The following AKR1C3 variants were observed in gnomAD, a reference collection of about 807,000 sequenced individuals.
AKR1C3 encodes 3-alpha hydroxysteroid dehydrogenase, type II.
Under a neutral mutation model 43.6 loss-of-function variants are expected in AKR1C3, and 48 were observed. The observed-to-expected ratio is 1.10, with a 90% confidence interval of 0.87 to 1.40. The LOEUF is 1.40. Ranked by LOEUF, AKR1C3 falls within the 40% of genes most tolerant of loss-of-function variation. AKR1C3 has a pLI of 0.00. For synonymous variants in AKR1C3, 162 were observed against 139.6 expected, an observed-to-expected ratio of 1.16 and a Z score of -1.13; for missense variants, 482 against 391.2, an observed-to-expected ratio of 1.23 and a Z score of -1.96.
chr10:5,107,632 C>T lies in AKR1C3; in HGVS notation c.*129C>T, dbSNP rs1352236688. ...CGTCCTGTTTAGCGACTTCAGTCAACTACAGCTGAGTCCATAGGCCAGAAA... is the reference window on the plus strand; with the variant it reads ...CGTCCTGTTTAGCGACTTCAGTCAATTACAGCTGAGTCCATAGGCCAGAAA... On this transcript the variant is annotated 3_prime_UTR_variant, in exon 9 of 9. Coordinates refer to ENST00000380554, the MANE Select transcript of AKR1C3 (RefSeq NM_003739.6). The T allele has an allele frequency of 1.5e-5, 10 of 669,166 alleles. No homozygotes were observed. The highest frequency in any genetic ancestry group is 3.1e-5 in the Admixed American group (1 of 32,680). The allele number at this position is 669,166 out of a possible 1,614,324, so 41.5% of individuals were successfully genotyped here.
intron 1 of AKR1C3, among the ~76,000 whole-genome samples, chr10:5,054,086 C>G (rs1838212239): frequency 6.6e-6 from 1 of 152,208 alleles, no homozygotes; most frequent in South Asian, 2.1e-4. Context: ...CGCCGGTTGG[C>G]ATCTTGTACT....
intron 1 of AKR1C3, among the ~76,000 whole-genome samples, chr10:5,074,768 T>C (rs1423879394): frequency 6.6e-6 from 1 of 152,212 alleles, no homozygotes; most frequent in African/African-American, 2.4e-5. Context: ...AGGAAATTCC[T>C]GGTGAGCTGT....
At chr10:5,095,005 G>A (rs559610946) in intron 1 of AKR1C3, among the ~76,000 whole-genome samples, 2 of 152,202 alleles carry the variant, frequency 1.3e-5, no homozygotes, top group South Asian at 2.1e-4. Context: ...GTGCCACCCA[G>A]TATTACCGGA....
chr10:5,064,397 C>T (rs1340116751), intron 1 of AKR1C3, among the ~76,000 whole-genome samples: 1 of 152,070 alleles, frequency 6.6e-6, no homozygotes, highest in Non-Finnish European at 1.5e-5. Flanking sequence ...TATATTAAAA[C>T]CTTAAGTTTT....
chr10:5,092,766 C>A (rs1471297827), upstream of AKR1C3, among the ~76,000 whole-genome samples: 1 of 151,954 alleles, frequency 6.6e-6, no homozygotes, highest in East Asian at 1.9e-4. Context: ...TGTTTTAAAA[C>A]CTTTCTCTAC....
At chr10:5,104,330 C>A (rs782706556) in intron 7 of AKR1C3, among the ~76,000 whole-genome samples, 1 of 152,214 alleles carries the variant, frequency 6.6e-6, no homozygotes, top group African/African-American at 2.4e-5. Context: ...AAATTGATAT[C>A]AAAAGGTGCC....
chr10:5,101,270 T>C (rs1427748918), intron 5 of AKR1C3, among the ~76,000 whole-genome samples: 1 of 152,222 alleles, frequency 6.6e-6, no homozygotes, highest in Admixed American at 6.5e-5. Context: ...ATGACAAATT[T>C]TCACATATGA....
chr10:5,105,579 T>TA lies in AKR1C3; in HGVS notation c.847-16_847-15insA. 1.2e-6 allele frequency: 2 copies of TA among 1,603,148 alleles called. No individual in the cohort carries two copies. Among genetic ancestry groups the TA allele is most frequent in the Non-Finnish European group, 1.7e-6 (2 of 1,171,940 alleles). On this transcript the variant is annotated splice_polypyrimidine_tract_variant and intron_variant, in intron 7 of 8. Coordinates refer to ENST00000380554, the MANE Select transcript of AKR1C3 (RefSeq NM_003739.6). ...CTGGCAATCTAAAAATAATAAAAGT[T>TA]TTTTATTTCTGATAGGTTTTTGAGT...
At chr10:5,083,332 G>T (rs1210105165) in intron 1 of AKR1C3, among the ~76,000 whole-genome samples, 6 of 151,990 alleles carry the variant, frequency 3.9e-5, no homozygotes, top group African/African-American at 9.7e-5. Flanking sequence ...GCGGTGTTTG[G>T]TTTTTTGTCC....
At chr10:5,101,441 G>A in intron 5 of AKR1C3, among the ~76,000 whole-genome samples, 1 of 146,774 alleles carries the variant, frequency 6.8e-6, no homozygotes, top group Admixed American at 6.9e-5. Flanking sequence ...AAATCAAAAT[G>A]AAGAACAAAT....
intron 1 of AKR1C3, among the ~76,000 whole-genome samples, chr10:5,049,374 G>A (rs531870434): frequency 6.6e-6 from 1 of 152,260 alleles, no homozygotes; most frequent in Admixed American, 6.5e-5. Flanking sequence ...GCGGCCTTGA[G>A]CACCACATGG....
At chr10:5,105,549 C>T (rs1554787018) in intron 7 of AKR1C3, 46 bp from the exon 8 acceptor site, 1 of 1,444,980 alleles carries the variant, frequency 6.9e-7, no homozygotes, top group Non-Finnish European at 9.6e-7. Context: ...CTTGGGGATT[C>T]ACAACTGGCA....
chr10:5,055,837 G>T (rs1037748837), intron 1 of AKR1C3, among the ~76,000 whole-genome samples: 4 of 152,304 alleles, frequency 2.6e-5, no homozygotes, highest in Middle Eastern at 3.4e-3. Flanking sequence ...GAAGGGCCTG[G>T]CTATCTTGCT....
In AKR1C3 at chr10:5,096,681, G is replaced by A. The variant is rs1262854004; in HGVS notation, c.252+104G>A. On this transcript the variant is annotated intron_variant, in intron 2 of 8. Coordinates refer to ENST00000380554, the MANE Select transcript of AKR1C3 (RefSeq NM_003739.6). ...GTAGTTGTGGGTGAATTTTGCTTCT[G>A]GGTTCAAATTTATTCACACATACTC... The A allele has an allele frequency of 1.1e-5, 16 of 1,465,992 alleles. No homozygotes were observed. The Admixed American group carries it at 1.2e-4, about 11-fold the overall frequency. The allele number at this position is 1,465,992 out of a possible 1,614,324, so 90.8% of individuals were successfully genotyped here.
At chr10:5,063,930 A>G (rs1383381610) in intron 1 of AKR1C3, among the ~76,000 whole-genome samples, 4 of 152,090 alleles carry the variant, frequency 2.6e-5, no homozygotes, top group South Asian at 2.1e-4. Context: ...AAATTCTCTC[A>G]ATGTCATTGC....
chr10:5,050,295 T>C (rs914452881), intron 1 of AKR1C3, among the ~76,000 whole-genome samples: 6 of 152,248 alleles, frequency 3.9e-5, no homozygotes, highest in Non-Finnish European at 8.8e-5. Context: ...GCACTTGGAT[T>C]TAATTTTCTG....
chr10:5,060,243 C>T (rs967515778), intron 1 of AKR1C3, among the ~76,000 whole-genome samples: 19 of 152,268 alleles, frequency 1.2e-4, no homozygotes, highest in South Asian at 2.1e-4. Context: ...GAAGGGGACC[C>T]GAACAGGTTG....
At chr10:5,052,592 G>T (rs1470895127) in intron 1 of AKR1C3, among the ~76,000 whole-genome samples, 1 of 150,680 alleles carries the variant, frequency 6.6e-6, no homozygotes, top group Non-Finnish European at 1.5e-5. Flanking sequence ...CTAGAGTGTC[G>T]ATTGGTACAT....
chr10:5,095,200 C>G (rs1554784947), intron 1 of AKR1C3, among the ~76,000 whole-genome samples: 1 of 151,928 alleles, frequency 6.6e-6, no homozygotes, highest in African/African-American at 2.4e-5. Flanking sequence ...CAAAAATGAA[C>G]AAAATGGAGA....
Sources: gnomAD v4.1 joint callset for allele counts (sites outside exome capture counted in the v4.1 genomes callset) on GRCh38, gnomAD v4.1.1 for gene constraint, MANE v1.5 for transcripts, NCBI Gene and HGNC (gene_info 2026-07-23, HGNC 2026-07-21) for gene names.